The following PCDHGB2 variants were observed in gnomAD, a reference collection of about 807,000 sequenced individuals.
PCDHGB2 encodes the protein protocadherin gamma subfamily B, 2.
In PCDHGB2, 55 loss-of-function variants were observed where a neutral mutation model predicts 59.3. That is an observed-to-expected ratio of 0.93 (90% confidence interval 0.75 to 1.16). The LOEUF is 1.16. Ranked by LOEUF, PCDHGB2 falls within the 50% of genes most tolerant of loss-of-function variation. The pLI, the probability that PCDHGB2 is intolerant of heterozygous loss-of-function variation, is 0.00. For missense variants in PCDHGB2, 1,228 were observed against 1,198.5 expected (o/e 1.02, Z -0.36); for synonymous variants, 516 against 512.0 (o/e 1.01, Z -0.11).
chr5:141,417,783 C>T, intron 1 of PCDHGB2: 1 of 1,474,286 alleles, frequency 6.8e-7, no homozygotes, highest in Non-Finnish European at 9.0e-7. Flanking sequence ...TGTCCTGGGC[C>T]GAATGCTCTT....
chr5:141,398,469 G>A (rs1490431965), intron 1 of PCDHGB2: 1 of 1,604,084 alleles, frequency 6.2e-7, no homozygotes, highest in Admixed American at 1.7e-5. Context: ...AAAATCCACT[G>A]AACTTTTATC....
In PCDHGB2 at chr5:141,476,210, G is replaced by A; in HGVS notation, c.2422-18597G>A. ...TGGTGCCTTGAACAAGGCTTCCACG[G>A]TCATTCACTATGAGATCCCGGAGGA... is the stretch of plus-strand genomic sequence containing the variant. On this transcript the variant is annotated intron_variant, in intron 1 of 3. Coordinates refer to ENST00000522605, the MANE Select transcript of PCDHGB2 (RefSeq NM_018923.3). The surrounding 1 kb of genome is among the most constrained non-coding windows in gnomAD (Gnocchi z 7.6). 6.2e-7 allele frequency: 1 copy of A among 1,614,012 alleles called. No individual in the cohort carries two copies. Among genetic ancestry groups the A allele is most frequent in the Non-Finnish European group, 8.5e-7 (1 of 1,180,012 alleles).
Position 141,370,644 on chromosome 5 carries a change from T to A in PCDHGB2, c.2421+8088T>A, listed in dbSNP as rs758086721. The A allele has an allele frequency of 5.6e-6, 9 of 1,613,802 alleles. No homozygotes were observed. The highest frequency in any genetic ancestry group is 7.6e-6 in the Non-Finnish European group (9 of 1,179,900). On this transcript the variant is annotated intron_variant, in intron 1 of 3. Transcript: ENST00000522605. ...TACCGTGAGCCCCGAAAATGGGAAC[T>A]TACTTGTGAGCGACCGTATAGACCG... is the stretch of plus-strand genomic sequence containing the variant.
At chr5:141,437,205 A>G (rs1561884114) in intron 1 of PCDHGB2, among the ~76,000 whole-genome samples, 1 of 152,202 alleles carries the variant, frequency 6.6e-6, no homozygotes, top group African/African-American at 2.4e-5. Context: ...ATGTGTTTAC[A>G]TTTATTCTGA....
chr5:141,400,028 C>T (rs2093943957), intron 1 of PCDHGB2: 1 of 1,613,054 alleles, frequency 6.2e-7, no homozygotes. Context: ...AGGGACGCGG[C>T]CCGCCAGCGC....
At chr5:141,399,644 A>C in intron 1 of PCDHGB2, 1 of 1,613,810 alleles carries the variant, frequency 6.2e-7, no homozygotes, top group Non-Finnish European at 8.5e-7. Flanking sequence ...ATGAGCGCGC[A>C]AAGTGGGGTG....
chr5:141,375,973 C>T (rs577451422), intron 1 of PCDHGB2: 6 of 1,613,256 alleles, frequency 3.7e-6, no homozygotes, highest in Non-Finnish European at 4.2e-6. Context: ...GCACGGCGCG[C>T]GCCCTGCTGG....
chr5:141,475,105 G>C (rs1215386045), intron 1 of PCDHGB2, among the ~76,000 whole-genome samples: 1 of 152,156 alleles, frequency 6.6e-6, no homozygotes, highest in Non-Finnish European at 1.5e-5. Context: ...GATCCTAGGT[G>C]GTAAATAGGC....
chr5:141,375,038 G>A (rs1771073387), intron 1 of PCDHGB2: 1 of 1,614,038 alleles, frequency 6.2e-7, no homozygotes, highest in Non-Finnish European at 8.5e-7. Context: ...TGAGCTGGGT[G>A]TTGAAGCCCG....
chr5:141,482,049 C>G (rs1456071625), intron 1 of PCDHGB2, among the ~76,000 whole-genome samples: 2 of 149,284 alleles, frequency 1.3e-5, no homozygotes, highest in Non-Finnish European at 3.0e-5. Context: ...CATGCTGTTG[C>G]ATTCCAGCCT....
chr5:141,428,188 G>A (rs1023078587), intron 1 of PCDHGB2: 3 of 1,433,350 alleles, frequency 2.1e-6, no homozygotes, highest in Admixed American at 1.8e-5. Flanking sequence ...GACAGCCGCC[G>A]CTCTCTGCGC....
Position 141,423,884 on chromosome 5 carries a change from T to C in PCDHGB2, c.2421+61328T>C, listed in dbSNP as rs1253750785. On this transcript the variant is annotated intron_variant, in intron 1 of 3. Transcript: ENST00000522605. ...TGAAAGTCATTTTTCAATCTTGGCA[T>C]ATTTTCTTTTGATTTCAAAGGGGCC... The C allele has an allele frequency of 6.2e-6, 8 of 1,282,566 alleles. No individual in the cohort carries two copies. In the African/African-American group the frequency reaches 1.2e-4, roughly 20 times the overall value. 79.4% of individuals were successfully genotyped at this position (1,282,566 alleles called of 1,614,324 possible). A position where few individuals can be genotyped will look rare whatever the true frequency, so the allele number is the denominator to read the frequency against.
rs775204388 is a variant in PCDHGB2, at chr5:141,490,235, G to T, written c.2422-4572G>T. On this transcript the variant is annotated intron_variant, in intron 1 of 3. Transcript: ENST00000522605. This position sits in a 1 kb window ranked among gnomAD's most constrained non-coding sequence, Gnocchi z 5.4. ...GACCAGGGACAGCCTGCCATGGAGG[G>T]CCACTGTGTGATTCAAGTGGATGTG... 1 of 1,614,228 alleles carries T rather than the reference G, an allele frequency of 6.2e-7. No homozygotes were observed. The highest frequency in any genetic ancestry group is 1.1e-5 in the South Asian group (1 of 91,084).
Position 141,364,613 on chromosome 5 carries a change from C to G in PCDHGB2, c.2421+2057C>G, listed in dbSNP as rs776128638. 7 of 1,614,052 alleles carry G rather than the reference C, an allele frequency of 4.3e-6. No homozygotes were observed. The East Asian group carries it at 1.6e-4, about 36-fold the overall frequency. On this transcript the variant is annotated intron_variant, in intron 1 of 3. Coordinates refer to ENST00000522605, the MANE Select transcript of PCDHGB2 (RefSeq NM_018923.3). ...CGCGGGCAGGATAGACCGGGAGGAGCTCTGCGCTCAGAGCCCACTGTGTGT... is the reference window on the plus strand; with the variant it reads ...CGCGGGCAGGATAGACCGGGAGGAGGTCTGCGCTCAGAGCCCACTGTGTGT...
At chr5:141,416,576 A>C (rs1300203182) in intron 1 of PCDHGB2, 2 of 152,204 alleles carry the variant, frequency 1.3e-5, no homozygotes, top group Non-Finnish European at 2.9e-5. Flanking sequence ...TGAAATTGAG[A>C]GGCAAAATAA....
At chr5:141,389,387 C>T in intron 1 of PCDHGB2, 1 of 1,613,724 alleles carries the variant, frequency 6.2e-7, no homozygotes, top group Non-Finnish European at 8.5e-7. Context: ...AGCTGTCATC[C>T]TACGTGTCCA....
chr5:141,424,962 C>G (rs1018789700), intron 1 of PCDHGB2, among the ~76,000 whole-genome samples: 2 of 152,116 alleles, frequency 1.3e-5, no homozygotes, highest in Admixed American at 6.6e-5. Flanking sequence ...GTATTTGCCC[C>G]AAATTACTTG....
At chr5:141,394,300 T>A (rs753637808) in intron 1 of PCDHGB2, 1 of 1,613,938 alleles carries the variant, frequency 6.2e-7, no homozygotes, top group Admixed American at 1.7e-5. Context: ...GAGGACACGC[T>A]GCAGGGGGCG....
intron 1 of PCDHGB2, chr5:141,376,177 C>A (rs1772377034): frequency 6.2e-7 from 1 of 1,614,004 alleles, no homozygotes; most frequent in Non-Finnish European, 8.5e-7. Context: ...TGGCGGTGGC[C>A]GCGGTCTCCT....
Sources: gnomAD v4.1 joint callset for allele counts (sites outside exome capture counted in the v4.1 genomes callset) on GRCh38, gnomAD v4.1.1 for gene constraint, Gnocchi (gnomAD v3.1) non-coding constraint, MANE v1.5 for transcripts, NCBI Gene and HGNC (gene_info 2026-07-23, HGNC 2026-07-21) for gene names.